The following CSMD1 variants were observed in gnomAD, a reference collection of about 807,000 sequenced individuals.
CSMD1 encodes the protein CUB and sushi domain-containing protein 1.
In CSMD1, 213 loss-of-function variants were observed where a neutral mutation model predicts 417.5. That is an observed-to-expected ratio of 0.51 (90% CI 0.46 to 0.57). The LOEUF is 0.57. CSMD1 is among the 20% of genes least tolerant of loss of function. CSMD1 has a pLI of 0.00. For synonymous variants in CSMD1, 2,862 were observed against 1,736.8 expected, an observed-to-expected ratio of 1.65 and a Z score of -16.11; for missense variants, 6,923 against 4,529.7, an observed-to-expected ratio of 1.53 and a Z score of -15.17.
intron 1 of CSMD1, among the ~76,000 whole-genome samples, chr8:4,822,003 A>T (rs1799552146): frequency 6.6e-6 from 1 of 152,032 alleles, no homozygotes; most frequent in South Asian, 2.1e-4. Context: ...TAATGCAATG[A>T]CTTCTGATGT....
At chr8:4,170,308 T>C (rs965333136) in intron 3 of CSMD1, among the ~76,000 whole-genome samples, 1 of 151,934 alleles carries the variant, frequency 6.6e-6, no homozygotes, top group Non-Finnish European at 1.5e-5. Flanking sequence ...TGCGTCTCAA[T>C]GATATAAAAA....
intron 3 of CSMD1, among the ~76,000 whole-genome samples, chr8:4,406,007 A>G (rs1440616187): frequency 1.3e-5 from 2 of 152,204 alleles, no homozygotes; most frequent in East Asian, 3.9e-4. Context: ...GTGAGAGGGC[A>G]ATTCATTCAG....
chr8:3,175,475 C>CCTTTCCTTT (rs1554451319), intron 37 of CSMD1, among the ~76,000 whole-genome samples: 1 of 132,470 alleles, frequency 7.5e-6, no homozygotes, highest in Non-Finnish European at 1.6e-5. Context: ...TCCTTCTTTT[C>CCTTTCCTTT]CCTTCCTTCC....
chr8:3,429,275 T>C (rs1018989247), intron 12 of CSMD1, among the ~76,000 whole-genome samples: 1 of 152,214 alleles, frequency 6.6e-6, no homozygotes, highest in Non-Finnish European at 1.5e-5. Flanking sequence ...TGTAAATATG[T>C]ACTGAAGCAT....
Position 4,719,640 on chromosome 8 carries a change from G to A in CSMD1, c.86-82082C>T, listed in dbSNP as rs954808366. On this transcript the variant is annotated intron_variant, in intron 1 of 69. Coordinates refer to ENST00000635120, the MANE Select transcript of CSMD1 (RefSeq NM_033225.6). ...AAAACTTGAATCCTTTTCCTATTTT[G>A]TTCAAAAGCTAAATTTCCATTTATT... Among the ~76,000 whole-genome samples, 4 of 149,452 alleles carry A rather than the reference G, an allele frequency of 2.7e-5. No individual in the cohort carries two copies. In the East Asian group the frequency reaches 8.0e-4, roughly 30 times the overall value.
chr8:4,510,390 T>TAAAAAAAAA lies in CSMD1; in HGVS notation c.303-90334_303-90326dup, dbSNP rs34791623. Among the ~76,000 whole-genome samples, 127 of 54,604 alleles carry TAAAAAAAAA rather than the reference T, an allele frequency of 2.3e-3. 5 individuals are homozygous for TAAAAAAAAA. Among genetic ancestry groups the TAAAAAAAAA allele is most frequent in the African/African-American group, 2.8e-3 (36 of 12,954 alleles). The allele number at this position is 54,604 out of a possible 152,430, so 35.8% of individuals were successfully genotyped here. A position where few individuals can be genotyped will look rare whatever the true frequency, so the allele number is the denominator to read the frequency against. On this transcript the variant is annotated intron_variant, in intron 2 of 69. Coordinates refer to ENST00000635120, the MANE Select transcript of CSMD1 (RefSeq NM_033225.6). Reference sequence around the variant, plus strand: ...GTAGACAATTAAAAAGCATAATGCCTAAAAAAAAAAAAAAAAAAAAAAAAA... The same window carrying TAAAAAAAAA: ...GTAGACAATTAAAAAGCATAATGCCTAAAAAAAAAAAAAAAAAAAAAAAAAAAAAAAAAA...
At chr8:3,380,604 C>A (rs552083121) in intron 18 of CSMD1, among the ~76,000 whole-genome samples, 3 of 152,084 alleles carry the variant, frequency 2.0e-5, no homozygotes, top group Admixed American at 1.3e-4. Context: ...ATGGATGAAT[C>A]TGGAAACCAT....
At chr8:3,277,996 T>A (rs565204079) in intron 26 of CSMD1, among the ~76,000 whole-genome samples, 54 of 152,284 alleles carry the variant, frequency 3.5e-4, no homozygotes, top group African/African-American at 1.3e-3. Context: ...GGTATCTTAA[T>A]GTTTGTTGCT....
chr8:3,896,540 C>G (rs1330361474), intron 5 of CSMD1, among the ~76,000 whole-genome samples: 3 of 151,848 alleles, frequency 2.0e-5, no homozygotes, highest in Admixed American at 6.6e-5. Flanking sequence ...GAGACAGAGT[C>G]TCGCTCTGTC....
intron 7 of CSMD1, among the ~76,000 whole-genome samples, chr8:3,660,353 G>C (rs925246127): frequency 6.6e-6 from 1 of 152,056 alleles, no homozygotes; most frequent in African/African-American, 2.4e-5. Flanking sequence ...GAAAGTATTA[G>C]CGATCTTCCC....
rs566594833 is a variant in CSMD1 at position 4,123,035 on chromosome 8, G to T, written c.416-90936C>A. Among the ~76,000 whole-genome samples, 5 of 152,318 alleles carry T rather than the reference G, an allele frequency of 3.3e-5. No individual in the cohort carries two copies. The East Asian group carries it at 9.7e-4, about 29-fold the overall frequency. ...TTTGACAAATTACAATCAGAGACTG[G>T]AATTTTTCTGTGTTTAATTATTAAA... On this transcript the variant is annotated intron_variant, in intron 3 of 69. Transcript: ENST00000635120.
intron 5 of CSMD1, among the ~76,000 whole-genome samples, chr8:3,774,838 C>T (rs980736128): frequency 5.9e-5 from 9 of 152,104 alleles, no homozygotes; most frequent in Admixed American, 3.3e-4. Flanking sequence ...GGATACATTC[C>T]AAGACTACCA....
At chr8:4,876,532 C>G (rs372381266) in intron 1 of CSMD1, among the ~76,000 whole-genome samples, 6 of 152,172 alleles carry the variant, frequency 3.9e-5, no homozygotes, top group South Asian at 4.1e-4. Context: ...TTAAGCAAAT[C>G]AGCACATTTC....
intron 7 of CSMD1, among the ~76,000 whole-genome samples, chr8:3,635,127 C>T (rs778065116): frequency 6.6e-6 from 1 of 152,020 alleles, no homozygotes; most frequent in African/African-American, 2.4e-5. Context: ...CTGGGTGACT[C>T]AGTAAGTGGA....
At chr8:3,513,365 T>G (rs1271958138) in intron 10 of CSMD1, among the ~76,000 whole-genome samples, 1 of 150,638 alleles carries the variant, frequency 6.6e-6, no homozygotes, top group African/African-American at 2.4e-5. Flanking sequence ...AGATGGAGTC[T>G]TACTTTGTTA....
chr8:3,050,843 A>G (rs1811773362), intron 50 of CSMD1, among the ~76,000 whole-genome samples: 2 of 152,234 alleles, frequency 1.3e-5, no homozygotes, highest in Admixed American at 1.3e-4. Flanking sequence ...AAAATACTGT[A>G]GACAAAAAGA....
intron 3 of CSMD1, among the ~76,000 whole-genome samples, chr8:4,113,936 T>C (rs184260023): frequency 6.6e-6 from 1 of 152,162 alleles, no homozygotes; most frequent in African/African-American, 2.4e-5. Flanking sequence ...TCATAAGATT[T>C]AAGAAAAGAA....
intron 4 of CSMD1, among the ~76,000 whole-genome samples, chr8:4,012,503 G>A (rs904136126): frequency 1.3e-5 from 2 of 152,054 alleles, no homozygotes; most frequent in Non-Finnish European, 2.9e-5. Context: ...TTCGAGGTGT[G>A]GTGTATGCAT....
At chr8:4,213,460 C>A (rs994719766) in intron 3 of CSMD1, among the ~76,000 whole-genome samples, 1 of 152,118 alleles carries the variant, frequency 6.6e-6, no homozygotes, top group Admixed American at 6.5e-5. Context: ...AACAGTTGCC[C>A]GGATACTGGC....
Sources: allele counts gnomAD v4.1 joint callset (sites outside exome capture counted in the v4.1 genomes callset), GRCh38; gene constraint gnomAD v4.1.1; transcripts MANE v1.5; gene names NCBI Gene and HGNC (gene_info 2026-07-23, HGNC 2026-07-21).